Variants in PRKCE observed in about 807,000 individuals in gnomAD.
PRKCE encodes protein kinase C epsilon type.
A neutral mutation model predicts 85.4 loss-of-function variants in PRKCE; 16 were observed. That is an observed-to-expected ratio of 0.19 (90% CI 0.13 to 0.28). The LOEUF is 0.28. Among genes scored for constraint, PRKCE ranks in the 10% least tolerant of loss-of-function variants. The pLI, the probability that PRKCE is intolerant of heterozygous loss-of-function variation, is 1.00. For synonymous variants in PRKCE, 388 were observed against 371.5 expected, an observed-to-expected ratio of 1.04 and a Z score of -0.51; for missense variants, 573 against 975.2, an observed-to-expected ratio of 0.59 and a Z score of 5.49.
chr2:45,812,022 CTCT>C (rs1298065691), intron 1 of PRKCE, among the ~76,000 whole-genome samples: 2 of 152,164 alleles, frequency 1.3e-5, no homozygotes, highest in South Asian at 2.1e-4. Context: ...CTGTAGTCAT[CTCT>C]TCTTAAGTGG....
At chr2:45,889,316 C>T (rs950633429) in intron 2 of PRKCE, among the ~76,000 whole-genome samples, 2 of 152,080 alleles carry the variant, frequency 1.3e-5, no homozygotes, top group Non-Finnish European at 2.9e-5. Context: ...GACAGCAAAG[C>T]CCTAGAGACA....
At chr2:45,677,021 G>C (rs1340487506) in intron 1 of PRKCE, 1 of 152,212 alleles carries the variant, frequency 6.6e-6, no homozygotes, top group East Asian at 1.9e-4. Flanking sequence ...AACTAGACAT[G>C]GGGAGTTGGG....
intron 1 of PRKCE, among the ~76,000 whole-genome samples, chr2:45,717,246 G>T (rs989573043): frequency 1.3e-5 from 2 of 152,188 alleles, no homozygotes; most frequent in Non-Finnish European, 2.9e-5. Flanking sequence ...CCACAGTACA[G>T]CTTCTGTAGC....
chr2:46,064,485 T>C (rs957067282), intron 10 of PRKCE, among the ~76,000 whole-genome samples: 1 of 152,122 alleles, frequency 6.6e-6, no homozygotes, highest in African/African-American at 2.4e-5. Context: ...TATTAGATGG[T>C]AATAGAAAGG....
chr2:46,078,606 T>G (rs1289727057), intron 10 of PRKCE: 1 of 152,138 alleles, frequency 6.6e-6, no homozygotes, highest in African/African-American at 2.4e-5. Context: ...AGCACTTTTC[T>G]GTCTCCTTCC....
intron 2 of PRKCE, among the ~76,000 whole-genome samples, chr2:45,846,208 C>T (rs1469935419): frequency 6.6e-6 from 1 of 152,166 alleles, no homozygotes; most frequent in Non-Finnish European, 1.5e-5. Flanking sequence ...TAATTCTCAC[C>T]TGTGCAAATG....
intron 2 of PRKCE, among the ~76,000 whole-genome samples, chr2:45,899,612 G>C (rs1696420765): frequency 6.6e-6 from 1 of 151,974 alleles, no homozygotes; most frequent in Admixed American, 6.6e-5. Flanking sequence ...TGAACTCCTG[G>C]GCTCATGCAA....
At chr2:46,151,264 C>T in intron 13 of PRKCE, 35 bp downstream of exon 13, 2 of 1,526,720 alleles carry the variant, frequency 1.3e-6, no homozygotes, top group Non-Finnish European at 1.8e-6. Flanking sequence ...GCTGTGCTCT[C>T]CTGGGCTCCT....
intron 1 of PRKCE, among the ~76,000 whole-genome samples, chr2:45,671,260 C>A (rs990993993): frequency 8.5e-5 from 13 of 152,272 alleles, no homozygotes; most frequent in African/African-American, 2.9e-4. Flanking sequence ...AGATATTCCT[C>A]TTAATTTGAC....
intron 2 of PRKCE, among the ~76,000 whole-genome samples, chr2:45,920,731 G>T (rs1296380468): frequency 6.6e-6 from 1 of 152,138 alleles, no homozygotes; most frequent in East Asian, 1.9e-4. Context: ...GCTGGGGGTG[G>T]GGAATTGGAG....
chr2:45,995,428 G>T (rs2104683479), intron 6 of PRKCE, among the ~76,000 whole-genome samples: 1 of 152,130 alleles, frequency 6.6e-6, no homozygotes, highest in South Asian at 2.1e-4. Flanking sequence ...TATCTGTGTA[G>T]CCAAGGTTAC....
intron 1 of PRKCE, among the ~76,000 whole-genome samples, chr2:45,772,658 A>C (rs1011699880): frequency 1.3e-5 from 2 of 152,124 alleles, no homozygotes; most frequent in African/African-American, 4.8e-5. Flanking sequence ...GGAGAAGTTA[A>C]GTGGCAGCTG....
chr2:45,721,894 A>G (rs1387995000), intron 1 of PRKCE, among the ~76,000 whole-genome samples: 2 of 151,170 alleles, frequency 1.3e-5, no homozygotes, highest in African/African-American at 4.9e-5. Flanking sequence ...AAAAAAAAAA[A>G]GAAACATAAA....
intron 2 of PRKCE, among the ~76,000 whole-genome samples, chr2:45,884,189 C>T (rs1445430561): frequency 6.6e-6 from 1 of 152,184 alleles, no homozygotes; most frequent in Non-Finnish European, 1.5e-5. Context: ...GGCATCTCAG[C>T]CAGGAGGTGG....
intron 2 of PRKCE, among the ~76,000 whole-genome samples, chr2:45,915,961 A>C (rs565382007): frequency 7.9e-5 from 12 of 152,198 alleles, no homozygotes; most frequent in Non-Finnish European, 2.9e-5. Flanking sequence ...ACATCCCCTC[A>C]ACACAGACTT....
At chr2:45,722,057 A>G (rs1363380715) in intron 1 of PRKCE, among the ~76,000 whole-genome samples, 1 of 152,070 alleles carries the variant, frequency 6.6e-6, no homozygotes, top group East Asian at 1.9e-4. Context: ...ATCCATATTT[A>G]TCACATTAAA....
chr2:45,904,990 T>C (rs1696867449), intron 2 of PRKCE, among the ~76,000 whole-genome samples: 1 of 152,130 alleles, frequency 6.6e-6, no homozygotes. Context: ...TTGTTGACCA[T>C]TGTACAGACA....
At chr2:46,045,822 C>G (rs1460037971) in intron 10 of PRKCE, among the ~76,000 whole-genome samples, 3 of 152,036 alleles carry the variant, frequency 2.0e-5, no homozygotes, top group African/African-American at 7.2e-5. Flanking sequence ...GTTGTTGTTG[C>G]AGTGAGCCGA....
chr2:45,822,846 A>G (rs1689644469), intron 1 of PRKCE, among the ~76,000 whole-genome samples: 1 of 152,168 alleles, frequency 6.6e-6, no homozygotes, highest in South Asian at 2.1e-4. Context: ...TTATTTCAGT[A>G]ATGATTCCCT....
Sources: gnomAD v4.1 joint callset for allele counts (sites outside exome capture counted in the v4.1 genomes callset) on GRCh38, gnomAD v4.1.1 for gene constraint, MANE v1.5 for transcripts, NCBI Gene and HGNC (gene_info 2026-07-23, HGNC 2026-07-21) for gene names.